Variants in ZNF148 observed in about 807,000 individuals in gnomAD.
ZNF148 encodes the protein Beta-Enolase Repressor Factor-1.
A neutral mutation model predicts 67.7 loss-of-function variants in ZNF148; 7 were observed. The ratio of observed to expected loss-of-function variants is 0.10; its 90% confidence interval spans 0.06 to 0.19. ZNF148 has a LOEUF of 0.19. ZNF148 is among the 10% of genes least tolerant of loss of function. The pLI, the probability that ZNF148 is intolerant of heterozygous loss-of-function variation, is 1.00. For missense variants in ZNF148, 583 were observed against 947.1 expected (o/e 0.62, Z 5.05); for synonymous variants, 333 against 330.7 (o/e 1.01, Z -0.08).
intron 1 of ZNF148, 59 bp downstream of exon 1, chr3:125,375,032 CCCCGCGCGCCG>C (rs1943021159): frequency 6.6e-6 from 1 of 151,588 alleles, no homozygotes; most frequent in Non-Finnish European, 1.5e-5. Flanking sequence ...CGCGCGCTCC[CCCCGCGCGCCG>C]CCCCCTCCCC....
chr3:125,286,833 T>C (rs986009845), intron 5 of ZNF148, among the ~76,000 whole-genome samples: 9 of 152,202 alleles, frequency 5.9e-5, no homozygotes, highest in Non-Finnish European at 4.4e-5. Context: ...AAAATCCAAG[T>C]AGTTATCTCT....
intron 4 of ZNF148, among the ~76,000 whole-genome samples, chr3:125,289,412 CA>C (rs1479441992): frequency 6.6e-6 from 1 of 152,110 alleles, no homozygotes; most frequent in Non-Finnish European, 1.5e-5. Context: ...AACCCTGGCA[CA>C]AAAACATGAT....
chr3:125,281,713 T>A (rs1938396300), intron 5 of ZNF148, among the ~76,000 whole-genome samples: 2 of 152,176 alleles, frequency 1.3e-5, no homozygotes, highest in African/African-American at 2.4e-5. Context: ...TAATTCAAGG[T>A]GAATTTTATG....
At chr3:125,304,399 G>C (rs577956033) in intron 4 of ZNF148, among the ~76,000 whole-genome samples, 10 of 152,302 alleles carry the variant, frequency 6.6e-5, no homozygotes, top group African/African-American at 1.9e-4. Context: ...ATCTAAGTAA[G>C]AGTGCCATAA....
At chr3:125,335,110 T>C (rs1333759360) in intron 1 of ZNF148, among the ~76,000 whole-genome samples, 1 of 152,310 alleles carries the variant, frequency 6.6e-6, no homozygotes, top group East Asian at 1.9e-4. Flanking sequence ...TGCACTGTAC[T>C]GCCCACCTCC....
rs1272427680 is a variant in ZNF148 at position 125,353,675 on chromosome 3, G to C, written c.-234+21427C>G. The stretch of plus-strand genomic sequence containing the variant: ...TCGCCATGTTTCCTAGGCTGTTCTT[G>C]AACTCCTGAGTTCAAGAGATTCACC... On this transcript the variant is annotated intron_variant, in intron 1 of 8. Coordinates refer to ENST00000360647, the MANE Select transcript of ZNF148 (RefSeq NM_021964.3). 7.3e-5 allele frequency among the ~76,000 whole-genome samples: 11 copies of C among 151,594 alleles called. No homozygotes were observed. The South Asian group carries it at 1.7e-3, about 23-fold the overall frequency.
At chr3:125,246,882 A>G (rs1303584987) in intron 7 of ZNF148, among the ~76,000 whole-genome samples, 2 of 152,238 alleles carry the variant, frequency 1.3e-5, no homozygotes, top group Admixed American at 6.5e-5. Context: ...ACTTTAGAAA[A>G]TATCAGAATA....
intron 1 of ZNF148, among the ~76,000 whole-genome samples, chr3:125,340,513 C>T (rs572711561): frequency 1.3e-5 from 2 of 152,176 alleles, no homozygotes; most frequent in Admixed American, 1.3e-4. Context: ...ATAATCCTCT[C>T]CCATCTGTAG....
At chr3:125,331,385 T>G (rs146059004) in intron 1 of ZNF148, 147 bp from the exon 2 acceptor site, 3 of 394,278 alleles carry the variant, frequency 7.6e-6, no homozygotes, top group African/African-American at 2.1e-5. Flanking sequence ...TAAATAAAAT[T>G]AGTAACAACT....
At chr3:125,363,224 G>T (rs932444441) in intron 1 of ZNF148, among the ~76,000 whole-genome samples, 1 of 152,090 alleles carries the variant, frequency 6.6e-6, no homozygotes, top group African/African-American at 2.4e-5. Context: ...TTTTTAACTA[G>T]ATTCTTCAAC....
At chr3:125,293,490 A>G (rs1282830905) in intron 4 of ZNF148, among the ~76,000 whole-genome samples, 1 of 152,196 alleles carries the variant, frequency 6.6e-6, no homozygotes, top group Non-Finnish European at 1.5e-5. Context: ...TTCTCTGAGA[A>G]GTGGTTGAGC....
intron 1 of ZNF148, among the ~76,000 whole-genome samples, chr3:125,335,331 A>G (rs2107720778): frequency 6.6e-6 from 1 of 152,264 alleles, no homozygotes; most frequent in South Asian, 2.1e-4. Context: ...CCACCATACA[A>G]CACTCTCTTT....
chr3:125,255,692 T>C (rs1175684679), intron 7 of ZNF148, among the ~76,000 whole-genome samples: 2 of 152,206 alleles, frequency 1.3e-5, no homozygotes, highest in African/African-American at 2.4e-5. Flanking sequence ...CCTTCGTTTT[T>C]TATGACTAGT....
chr3:125,260,470 GACTTTCAAATGC>G (rs1443789244), intron 7 of ZNF148, among the ~76,000 whole-genome samples: 1 of 152,150 alleles, frequency 6.6e-6, no homozygotes, highest in Non-Finnish European at 1.5e-5. Context: ...CAACACAGAT[GACTTTCAAATGC>G]ACTATACTAA....
intron 3 of ZNF148, among the ~76,000 whole-genome samples, chr3:125,322,114 A>T (rs986385828): frequency 7.3e-6 from 1 of 136,266 alleles, no homozygotes; most frequent in East Asian, 2.1e-4. Flanking sequence ...ACTGCAAGCT[A>T]TGCCTCCCAG....
Position 125,311,689 on chromosome 3 carries a change from A to T in ZNF148, c.333+1619T>A, listed in dbSNP as rs114543907. ...GAATTGTTAAGACAGTAATTTTTTTAAATTACTGTCTTAAGACAAGAAAAA... is the reference window on the plus strand; with the variant it reads ...GAATTGTTAAGACAGTAATTTTTTTTAATTACTGTCTTAAGACAAGAAAAA... On this transcript the variant is annotated intron_variant, in intron 4 of 8. Coordinates refer to ENST00000360647, the MANE Select transcript of ZNF148 (RefSeq NM_021964.3). Among the ~76,000 whole-genome samples the T allele has an allele frequency of 5.5e-3, 840 of 152,292 alleles. 7 individuals are homozygous for T. The highest frequency in any genetic ancestry group is 0.019 in the African/African-American group (795 of 41,582).
intron 7 of ZNF148, among the ~76,000 whole-genome samples, chr3:125,254,308 C>T (rs1936974796): frequency 6.6e-6 from 1 of 152,126 alleles, no homozygotes; most frequent in Admixed American, 6.5e-5. Context: ...TCTCTTTTGA[C>T]AAATGTACCT....
intron 4 of ZNF148, 31 bp from the exon 5 acceptor site, chr3:125,288,259 C>T: frequency 6.3e-7 from 1 of 1,582,094 alleles, no homozygotes. Flanking sequence ...CAATTTTAGA[C>T]ATAAATAAAA....
At chr3:125,321,215 T>C (rs1174455126) in intron 3 of ZNF148, among the ~76,000 whole-genome samples, 1 of 152,290 alleles carries the variant, frequency 6.6e-6, no homozygotes, top group East Asian at 1.9e-4. Context: ...AGTACTACTA[T>C]TTCAAAATAT....
Sources: gnomAD v4.1 joint callset for allele counts (sites outside exome capture counted in the v4.1 genomes callset) on GRCh38, gnomAD v4.1.1 for gene constraint, MANE v1.5 for transcripts, NCBI Gene and HGNC (gene_info 2026-07-23, HGNC 2026-07-21) for gene names.